LRMDA: variants seen among roughly 807,000 people sequenced by gnomAD.
LRMDA encodes the protein leucine rich melanocyte differentiation associated, also known as leucine-rich melanocyte differentiation-associated protein.
In LRMDA, 18 loss-of-function variants were observed where a neutral mutation model predicts 29.8. The observed-to-expected ratio is 0.60, with a 90% CI of 0.42 to 0.90. The LOEUF (loss-of-function observed/expected upper bound fraction) is 0.90, where lower values mean the gene tolerates loss of function less well. Among genes scored for constraint, LRMDA ranks in the 40% least tolerant of loss-of-function variants. The pLI is 0.00. For missense variants in LRMDA, 273 were observed against 273.9 expected (o/e 1.00, Z 0.02); for synonymous variants, 125 against 109.4 (o/e 1.14, Z -0.89).
chr10:76,540,938 C>T (rs1843346766), intron 6 of LRMDA, among the ~76,000 whole-genome samples: 1 of 152,166 alleles, frequency 6.6e-6, no homozygotes, highest in African/African-American at 2.4e-5. Flanking sequence ...ACAATACCTG[C>T]ACAAGTCCCA....
intron 5 of LRMDA, among the ~76,000 whole-genome samples, chr10:76,148,702 C>T (rs1192968623): frequency 1.3e-5 from 2 of 152,204 alleles, no homozygotes; most frequent in Non-Finnish European, 2.9e-5. Context: ...CACTGTCCTG[C>T]ACCTACTCTC....
At chr10:75,777,020 G>C (rs1843321192) in intron 2 of LRMDA, among the ~76,000 whole-genome samples, 1 of 152,266 alleles carries the variant, frequency 6.6e-6, no homozygotes, top group African/African-American at 2.4e-5. Flanking sequence ...GAGCCGGGGA[G>C]GGAAAGCTGG....
At chr10:76,047,325 C>T (rs772175093) in intron 4 of LRMDA, 22 bp downstream of exon 4, 6 of 1,584,486 alleles carry the variant, frequency 3.8e-6, no homozygotes, top group Non-Finnish European at 4.3e-6. Flanking sequence ...GGGGTTGGAC[C>T]ATGGTGGGAA....
chr10:76,444,938 CAT>C (rs1842339383), intron 6 of LRMDA, among the ~76,000 whole-genome samples: 1 of 151,754 alleles, frequency 6.6e-6, no homozygotes. Flanking sequence ...TTCATGTGTA[CAT>C]ATATATGTAT....
chr10:75,747,937 T>C (rs574815280), intron 2 of LRMDA, among the ~76,000 whole-genome samples: 153 of 152,306 alleles, frequency 1.0e-3, no homozygotes, highest in African/African-American at 3.4e-3. Context: ...ATTGTTTTGC[T>C]TAAGGCTCCT....
At chr10:75,620,608 C>T (rs561654123) in intron 2 of LRMDA, among the ~76,000 whole-genome samples, 1 of 152,246 alleles carries the variant, frequency 6.6e-6, no homozygotes, top group East Asian at 1.9e-4. Context: ...AATGGACTTC[C>T]CTTTCCTTTT....
Position 75,464,788 on chromosome 10 carries a change from G to T in LRMDA, c.131+26294G>T, listed in dbSNP as rs191684994. Among the ~76,000 whole-genome samples the T allele has an allele frequency of 2.6e-5, 4 of 152,300 alleles. No individual in the cohort carries two copies. In the East Asian group the frequency reaches 7.7e-4, roughly 29 times the overall value. On this transcript the variant is annotated intron_variant, in intron 2 of 6. Transcript: ENST00000611255. Reference sequence around the variant, plus strand: ...GGAAGTCCTCAAATTATCATCAGAGGATCAAGGAAGGGCAAAATATGTGCA... The same window carrying T: ...GGAAGTCCTCAAATTATCATCAGAGTATCAAGGAAGGGCAAAATATGTGCA...
intron 2 of LRMDA, among the ~76,000 whole-genome samples, chr10:75,737,713 C>T (rs1021902447): frequency 1.3e-5 from 2 of 152,282 alleles, no homozygotes; most frequent in Non-Finnish European, 1.5e-5. Context: ...TTCTTCGGTG[C>T]TGATAATTAG....
intron 2 of LRMDA, among the ~76,000 whole-genome samples, chr10:75,595,007 GTTGT>G (rs1840768902): frequency 6.6e-6 from 1 of 152,130 alleles, no homozygotes; most frequent in Non-Finnish European, 1.5e-5. Context: ...TTTATAGGTA[GTTGT>G]TTGTTTCTTC....
intron 5 of LRMDA, among the ~76,000 whole-genome samples, chr10:76,136,614 T>A (rs116892067): frequency 3.3e-4 from 2 of 6,040 alleles, no homozygotes; most frequent in Non-Finnish European, 6.8e-4. Context: ...TTAAACATAT[T>A]AAAAAAAAAG....
At chr10:76,427,463 G>C (rs1221069001) in intron 6 of LRMDA, among the ~76,000 whole-genome samples, 6 of 152,186 alleles carry the variant, frequency 3.9e-5, no homozygotes, top group Non-Finnish European at 8.8e-5. Flanking sequence ...TGTATCTTGA[G>C]ACTTTGCTGA....
chr10:75,879,082 C>A (rs78178228), intron 2 of LRMDA, among the ~76,000 whole-genome samples: 3,204 of 152,304 alleles, frequency 0.021, 119 homozygotes, highest in African/African-American at 0.072. Context: ...ACAGACATAG[C>A]CTTACTCTTC....
chr10:75,635,753 C>T (rs981654627), intron 2 of LRMDA, among the ~76,000 whole-genome samples: 2 of 152,020 alleles, frequency 1.3e-5, no homozygotes, highest in East Asian at 3.8e-4. Flanking sequence ...GGCTCCTACC[C>T]CTGCATGTTA....
intron 5 of LRMDA, among the ~76,000 whole-genome samples, chr10:76,299,603 C>T (rs3066429): frequency 0.19 from 19,021 of 99,454 alleles, 1,539 homozygotes; most frequent in Middle Eastern, 0.25. Flanking sequence ...CCCTTCCTTT[C>T]TTTTTTTTTT....
At chr10:76,469,823 C>T (rs1354997659) in intron 6 of LRMDA, among the ~76,000 whole-genome samples, 2 of 152,092 alleles carry the variant, frequency 1.3e-5, no homozygotes, top group African/African-American at 4.8e-5. Context: ...TCAAAAACTT[C>T]CCCTACCCAT....
At chr10:76,030,444 T>C (rs1342580190) in intron 2 of LRMDA, among the ~76,000 whole-genome samples, 2 of 152,180 alleles carry the variant, frequency 1.3e-5, no homozygotes, top group Non-Finnish European at 2.9e-5. Flanking sequence ...CATTTAAGGA[T>C]ATAAAAAAGA....
chr10:75,636,262 G>C (rs1484353807), intron 2 of LRMDA, among the ~76,000 whole-genome samples: 1 of 152,178 alleles, frequency 6.6e-6, no homozygotes, highest in Non-Finnish European at 1.5e-5. Flanking sequence ...CTGTCATTTA[G>C]GAGTGGTGTG....
At chr10:76,376,142 C>T (rs1841514939) in intron 6 of LRMDA, among the ~76,000 whole-genome samples, 2 of 151,962 alleles carry the variant, frequency 1.3e-5, no homozygotes, top group Admixed American at 6.6e-5. Context: ...CATCCCTTAC[C>T]CCTCAGCCAC....
chr10:75,603,015 G>A (rs1376490738), intron 2 of LRMDA, among the ~76,000 whole-genome samples: 1 of 152,120 alleles, frequency 6.6e-6, no homozygotes, highest in Non-Finnish European at 1.5e-5. Context: ...TGTCCGCCCT[G>A]CTATTTCAAA....
Sources: allele counts gnomAD v4.1 joint callset (sites outside exome capture counted in the v4.1 genomes callset), GRCh38; gene constraint gnomAD v4.1.1; transcripts MANE v1.5; gene names NCBI Gene and HGNC (gene_info 2026-07-23, HGNC 2026-07-21).